The following LIAS variants were observed in gnomAD, a reference collection of about 807,000 sequenced individuals.
LIAS encodes the protein lipoic acid synthetase, also known as lipoyl synthase, mitochondrial.
A neutral mutation model predicts 49.4 loss-of-function variants in LIAS; 36 were observed. The ratio of observed to expected loss-of-function variants is 0.73; its 90% CI spans 0.56 to 0.96. LIAS has a LOEUF of 0.96. Ranked by LOEUF, LIAS falls within the 40% of genes least tolerant of loss-of-function variation. The pLI is 0.00. For synonymous variants in LIAS, 145 were observed against 155.8 expected (o/e 0.93, Z 0.52); for missense variants, 399 against 456.3 (o/e 0.87, Z 1.14).
chr4:39,465,388 A>G (rs774751937), intron 6 of LIAS, 46 bp downstream of exon 6: 36 of 1,529,578 alleles, frequency 2.4e-5, no homozygotes, highest in Non-Finnish European at 3.1e-5. Context: ...TTTTGGACCC[A>G]TATGAGTTAA....
At chr4:39,476,984 A>G in intron 10 of LIAS, 79 bp from the exon 11 acceptor site, 1 of 1,002,628 alleles carries the variant, frequency 1.0e-6, no homozygotes, top group Admixed American at 2.9e-5. Flanking sequence ...GGGAACACCA[A>G]AAATATAATT....
Position 39,471,367 on chromosome 4 carries a change from C to T in LIAS, c.954+61C>T, listed in dbSNP as rs116183981. On this transcript the variant is annotated intron_variant, in intron 9 of 10. Coordinates refer to ENST00000640888, the MANE Select transcript of LIAS (RefSeq NM_006859.4). Reference sequence around the variant, plus strand: ...TTATTTTTAAAGATGGAGTTTTGCTCTTGTCGCCTGAGCTGGAGTGTAGTG... The same window carrying T: ...TTATTTTTAAAGATGGAGTTTTGCTTTTGTCGCCTGAGCTGGAGTGTAGTG... The T allele has an allele frequency of 5.2e-3, 6,823 of 1,318,744 alleles. 24 individuals are homozygous for T. The highest frequency in any genetic ancestry group is 7.8e-3 in the Middle Eastern group (40 of 5,114). The allele number at this position is 1,318,744 out of a possible 1,614,324, so 81.7% of individuals were successfully genotyped here. A position where few individuals can be genotyped will look rare whatever the true frequency, so the allele number is the denominator to read the frequency against.
At chr4:39,469,712 C>T (rs1744906827) in intron 7 of LIAS, 1 of 248,418 alleles carries the variant, frequency 4.0e-6, no homozygotes, top group African/African-American at 2.3e-5. Flanking sequence ...TGGAGACTCT[C>T]TTACTTCTGC....
chr4:39,469,583 T>C (rs1358808562), intron 7 of LIAS: 1 of 153,336 alleles, frequency 6.5e-6, no homozygotes, highest in Non-Finnish European at 1.5e-5. Flanking sequence ...CTTTACCTAA[T>C]ATGTGGCAGT....
At chr4:39,466,837 GT>G (rs1440698672) in intron 6 of LIAS, 1 of 152,108 alleles carries the variant, frequency 6.6e-6, no homozygotes, top group Admixed American at 6.5e-5. Context: ...TTGCCAGTGG[GT>G]TTGTGAAAAA....
intron 10 of LIAS, 110 bp downstream of exon 10, chr4:39,473,321 G>A: frequency 1.5e-6 from 1 of 664,012 alleles, no homozygotes; most frequent in Non-Finnish European, 2.7e-6. Flanking sequence ...TGGTGGTCTT[G>A]GTAGAGGGCG....
chr4:39,471,303 T>A lies in LIAS; in HGVS notation c.951T>A (p.Leu317=). The A allele has an allele frequency of 6.2e-7, 1 of 1,603,056 alleles. No individual in the cohort carries two copies. Among genetic ancestry groups the A allele is most frequent in the Non-Finnish European group, 8.5e-7 (1 of 1,171,596 alleles). The change falls in exon 9 of 11, where the codon CTT becomes CTA. Residue 317 remains leucine (L), a synonymous_variant. Coordinates refer to ENST00000640888, the MANE Select transcript of LIAS (RefSeq NM_006859.4). ...GQYMQPTRRH[L]KVEEYITPEK... ...ATATGCAGCCAACAAGGCGTCACCT[T>A]AAGGTACATGTATCTTGATTTGCTT...
chr4:39,469,681 T>C lies in LIAS; in HGVS notation c.738-338T>C, dbSNP rs917607744. 4.2e-4 allele frequency: 82 copies of C among 193,584 alleles called. 2 individuals are homozygous for C. Among genetic ancestry groups the C allele is most frequent in the Admixed American group, 4.5e-4 (8 of 17,712 alleles). The allele number at this position is 193,584 out of a possible 1,614,324, so 12.0% of individuals were successfully genotyped here. A position where few individuals can be genotyped will look rare whatever the true frequency, so the allele number is the denominator to read the frequency against. On this transcript the variant is annotated intron_variant, in intron 7 of 10. Coordinates refer to ENST00000640888, the MANE Select transcript of LIAS (RefSeq NM_006859.4). ...AACCCTCTGACATGTGGGTTCAGCT[T>C]ATTTTTTTCTTTGTTCAGTATGGAG...
Position 39,478,836 on chromosome 4 carries a change from GT to G in LIAS, c.*1722del, listed in dbSNP as rs1376797836. On this transcript the variant is annotated 3_prime_UTR_variant, in exon 11 of 11. Coordinates refer to ENST00000640888, the MANE Select transcript of LIAS (RefSeq NM_006859.4). Reference sequence around the variant, plus strand: ...TGCATATCTAAAAGGACACTTTTAGGTGGCCATGTTGTAAAATATGTAAAGT... The same window carrying G: ...TGCATATCTAAAAGGACACTTTTAGGGGCCATGTTGTAAAATATGTAAAGT... The G allele has an allele frequency of 6.6e-6, 1 of 152,146 alleles. No homozygotes were observed. Among genetic ancestry groups the G allele is most frequent in the Non-Finnish European group, 1.5e-5 (1 of 68,018 alleles). 9.4% of individuals were successfully genotyped at this position (152,146 alleles called of 1,614,324 possible). A position where few individuals can be genotyped will look rare whatever the true frequency, so the allele number is the denominator to read the frequency against.
chr4:39,472,147 A>ATG (rs1335931447), intron 9 of LIAS, among the ~76,000 whole-genome samples: 2 of 151,720 alleles, frequency 1.3e-5, no homozygotes, highest in African/African-American at 4.8e-5. Flanking sequence ...ACACACACAC[A>ATG]TATATACACA....
In LIAS at chr4:39,478,277, G is replaced by C; in HGVS notation, c.*1162G>C. On this transcript the variant is annotated 3_prime_UTR_variant, in exon 11 of 11. Transcript: ENST00000640888. Reference sequence around the variant, plus strand: ...CCAGCACTCTGAGAGGCCGAGGTGGGCAGATCACCTGAGGTCGGGAGTTTG... The same window carrying C: ...CCAGCACTCTGAGAGGCCGAGGTGGCCAGATCACCTGAGGTCGGGAGTTTG... 1 of 152,234 alleles carries C rather than the reference G, an allele frequency of 6.6e-6. No individual in the cohort carries two copies. The highest frequency in any genetic ancestry group is 1.9e-4 in the East Asian group (1 of 5,202). 9.4% of individuals were successfully genotyped at this position (152,234 alleles called of 1,614,324 possible).
chr4:39,459,089 C>T lies in LIAS; in HGVS notation c.-29C>T, dbSNP rs368281946. On this transcript the variant is annotated 5_prime_UTR_variant, in exon 1 of 11. Transcript: ENST00000640888. ...TCCCGGGAGTTAGCGATCCCTCAAC[C>T]CCTGCACTGCGCTAGTCCTAAAGAG... 4.4e-5 allele frequency: 71 copies of T among 1,613,740 alleles called. No individual in the cohort carries two copies. The African/African-American group carries it at 8.0e-4, about 18-fold the overall frequency.
rs79572060 is a variant in LIAS, at chr4:39,467,659, A to T, written c.737+13A>T. On this transcript the variant is annotated intron_variant, in intron 7 of 10. Transcript: ENST00000640888. ...CGGAATTACAGAGGTGAATACGTGT[A>T]CAAAGTAATGTTGGGAAGTTAGGCG... The T allele has an allele frequency of 0.032, 48,723 of 1,528,414 alleles. 1,077 individuals are homozygous for T. Among genetic ancestry groups the T allele is most frequent in the Middle Eastern group, 0.1 (597 of 5,736 alleles). The allele number at this position is 1,528,414 out of a possible 1,614,324, so 94.7% of individuals were successfully genotyped here.
intron 1 of LIAS, among the ~76,000 whole-genome samples, chr4:39,460,255 G>C (rs1214877554): frequency 6.6e-6 from 1 of 152,112 alleles, no homozygotes; most frequent in African/African-American, 2.4e-5. Flanking sequence ...TTTCGGGCCG[G>C]GTGCGGTGGC....
chr4:39,466,101 A>C (rs576925819), intron 6 of LIAS: 1 of 152,296 alleles, frequency 6.6e-6, no homozygotes, highest in South Asian at 2.1e-4. Context: ...CAGCCTCCCA[A>C]GTAGCTGGGA....
rs372423537 is a variant in LIAS, at chr4:39,463,612, C to A, written c.393+7C>A. 3 of 1,610,526 alleles carry A rather than the reference C, an allele frequency of 1.9e-6. No individual in the cohort carries two copies. Among genetic ancestry groups the A allele is most frequent in the Non-Finnish European group, 2.5e-6 (3 of 1,177,774 alleles). On this transcript the variant is annotated splice_region_variant and intron_variant, in intron 4 of 10. Coordinates refer to ENST00000640888, the MANE Select transcript of LIAS (RefSeq NM_006859.4). Reference sequence around the variant, plus strand: ...CGCCACAGCCACGATCATGGTAGGGCCAGCCTCAACCTCTATGGCTTTAGT... The same window carrying A: ...CGCCACAGCCACGATCATGGTAGGGACAGCCTCAACCTCTATGGCTTTAGT...
chr4:39,468,517 A>AT (rs1345576338), intron 7 of LIAS: 7 of 138,368 alleles, frequency 5.1e-5, no homozygotes, highest in Middle Eastern at 4.2e-3. Context: ...ATATATATAT[A>AT]TATATTTTTT....
chr4:39,463,505 C>A lies in LIAS; in HGVS notation c.313-20C>A. ...TGGATATTGTCAACCTAATGGTGTTCCATTTCCTTTTGCATACAGGTATGT... is the reference window on the plus strand; with the variant it reads ...TGGATATTGTCAACCTAATGGTGTTACATTTCCTTTTGCATACAGGTATGT... On this transcript the variant is annotated intron_variant, in intron 3 of 10. Coordinates refer to ENST00000640888, the MANE Select transcript of LIAS (RefSeq NM_006859.4). 6.3e-7 allele frequency: 1 copy of A among 1,577,158 alleles called. No homozygotes were observed. The highest frequency in any genetic ancestry group is 1.2e-5 in the South Asian group (1 of 86,696).
Position 39,473,205 on chromosome 4 carries a change from A to C in LIAS, c.1060A>C (p.Lys354Gln). Residue 354 changes from lysine (K) to glutamine (Q), a missense_variant, in exon 10 of 11, where the codon AAA (lysine) becomes CAA (glutamine). Coordinates refer to ENST00000640888, the MANE Select transcript of LIAS (RefSeq NM_006859.4). ...ASGPLVRSSY[K>Q]AGEFFLKNLV... The stretch of plus-strand genomic sequence containing the variant: ...TGGCCCTTTGGTGCGTTCTTCATAT[A>C]AAGCAGGTAAGTTAGATTGTGGGGC... 1 of 1,597,180 alleles carries C rather than the reference A, an allele frequency of 6.3e-7. No individual in the cohort carries two copies. The highest frequency in any genetic ancestry group is 8.6e-7 in the Non-Finnish European group (1 of 1,164,630).
Sources: allele counts gnomAD v4.1 joint callset (sites outside exome capture counted in the v4.1 genomes callset), GRCh38; gene constraint gnomAD v4.1.1; transcripts MANE v1.5; gene names NCBI Gene and HGNC (gene_info 2026-07-23, HGNC 2026-07-21).